Variants in HIF3A observed in about 807,000 individuals in gnomAD.
HIF3A encodes hypoxia inducible factor 3 subunit alpha.
HIF3A carries 41 observed loss-of-function variants against 67.2 expected under a neutral mutation model. The ratio of observed to expected loss-of-function variants is 0.61; its 90% CI spans 0.48 to 0.79. The LOEUF (loss-of-function observed/expected upper bound fraction) is 0.79, where lower values mean the gene tolerates loss of function less well. HIF3A is among the 30% of genes least tolerant of loss of function. HIF3A has a pLI of 0.00. For synonymous variants in HIF3A, 356 were observed against 374.8 expected (o/e 0.95, Z 0.58); for missense variants, 855 against 898.0 (o/e 0.95, Z 0.61).
Position 46,308,254 on chromosome 19 carries a change from A to C in HIF3A, c.397A>C (p.Ile133Leu), listed in dbSNP as rs756510103. 3.2e-5 allele frequency: 51 copies of C among 1,613,446 alleles called. No homozygotes were observed. The highest frequency in any genetic ancestry group is 4.2e-5 in the Non-Finnish European group (49 of 1,179,650). ...ELIGHSIFDF[I>L]HPCDQEELQD... ...CATTGGACACAGCATCTTTGATTTCATCCACCCCTGTGACCAAGAGGAGCT... is the reference window on the plus strand; with the variant it reads ...CATTGGACACAGCATCTTTGATTTCCTCCACCCCTGTGACCAAGAGGAGCT... The change falls in exon 4 of 15, where the codon ATC becomes CTC. Residue 133 changes from isoleucine (I) to leucine (L), a missense_variant. By Grantham distance (5) the Ile-to-Leu change is conservative. Around this residue, in one of 3 missense-constraint regions of HIF3A, gnomAD observed 638 missense variants for 660.5 expected, o/e 0.97. Transcript: ENST00000377670.
Position 46,297,180 on chromosome 19 carries a change from G to A in HIF3A, c.26+78G>A, listed in dbSNP as rs980600810. 2.8e-6 allele frequency: 2 copies of A among 725,658 alleles called. No individual in the cohort carries two copies. The highest frequency in any genetic ancestry group is 4.0e-6 in the Non-Finnish European group (2 of 504,982). The allele number at this position is 725,658 out of a possible 1,614,324, so 45.0% of individuals were successfully genotyped here. A position where few individuals can be genotyped will look rare whatever the true frequency, so the allele number is the denominator to read the frequency against. ...AGACCCCTGAGCTGGATTGTTGGGG[G>A]GGGTGGGGTTCGCGGGTGCGAGCCA... On this transcript the variant is annotated intron_variant, in intron 1 of 14. Transcript: ENST00000377670. This position sits in a 1 kb window ranked among gnomAD's most constrained non-coding sequence, Gnocchi z 4.5.
chr19:46,318,875 C>T (rs1015204005), intron 8 of HIF3A, among the ~76,000 whole-genome samples: 3 of 152,058 alleles, frequency 2.0e-5, no homozygotes, highest in African/African-American at 7.2e-5. Flanking sequence ...CCTGCTTTGG[C>T]CTCCCAAAGT....
At chr19:46,329,576 C>A (rs1971038118) in intron 12 of HIF3A, 98 bp downstream of exon 12, 1 of 1,353,018 alleles carries the variant, frequency 7.4e-7, no homozygotes, top group Non-Finnish European at 9.7e-7. Flanking sequence ...TTTCTCTAAC[C>A]CTGATCTCTG....
Position 46,304,044 on chromosome 19 carries a change from G to T in HIF3A, c.173G>T (p.Arg58Leu). ...SAHLDKASIM[R>L]LTISYLRMHR... ...CACCTGGACAAGGCCTCTATCATGC[G>T]CCTCACCATCAGCTACCTGCGCATG... The change falls in exon 2 of 15, where the codon CGC becomes CTC. Residue 58 changes from arginine to leucine, a missense_variant. Coordinates refer to ENST00000377670, the MANE Select transcript of HIF3A (RefSeq NM_152795.4). The T allele has an allele frequency of 6.3e-7, 1 of 1,587,026 alleles. No homozygotes were observed.
Position 46,332,082 on chromosome 19 carries a change from C to G in HIF3A, c.1830+809C>G, listed in dbSNP as rs1971274168. On this transcript the variant is annotated intron_variant, in intron 13 of 14. Coordinates refer to ENST00000377670, the MANE Select transcript of HIF3A (RefSeq NM_152795.4). ...AAGTCCCAGGTCTGCCACCCAGTAA[C>G]TGCCACCTGACCTTGGGCAGGTTAC... is the stretch of plus-strand genomic sequence containing the variant. 2.0e-5 allele frequency among the ~76,000 whole-genome samples: 3 copies of G among 152,234 alleles called. No individual in the cohort carries two copies. In the South Asian group the frequency reaches 6.2e-4, roughly 32 times the overall value.
At chr19:46,311,742 T>A (rs1398295621) in intron 6 of HIF3A, among the ~76,000 whole-genome samples, 1 of 151,938 alleles carries the variant, frequency 6.6e-6, no homozygotes, top group Non-Finnish European at 1.5e-5. Context: ...ACACCTGTAG[T>A]CCCAGCTACT....
At chr19:46,303,623 C>T in intron 1 of HIF3A, 2 of 1,571,212 alleles carry the variant, frequency 1.3e-6, no homozygotes, top group South Asian at 1.2e-5. Flanking sequence ...GGGGACAGAG[C>T]GGCCCTAGGC....
At chr19:46,313,137 A>G in intron 8 of HIF3A, 11 of 533,224 alleles carry the variant, frequency 2.1e-5, no homozygotes, top group Non-Finnish European at 2.6e-5. Flanking sequence ...TGTAATCCCA[A>G]CTACTCGGGA....
chr19:46,304,742 G>GC (rs1334836615), intron 2 of HIF3A, among the ~76,000 whole-genome samples: 8 of 152,168 alleles, frequency 5.3e-5, no homozygotes, highest in African/African-American at 1.4e-4. Context: ...TGACTTCCCT[G>GC]CCCCATAGAA....
In HIF3A at chr19:46,305,161, C is replaced by T. The variant is rs754833537; in HGVS notation, c.218-84C>T. 8.2e-6 allele frequency: 13 copies of T among 1,590,612 alleles called. No homozygotes were observed. The South Asian group carries it at 8.8e-5, about 11-fold the overall frequency. On this transcript the variant is annotated intron_variant, in intron 2 of 14. Coordinates refer to ENST00000377670, the MANE Select transcript of HIF3A (RefSeq NM_152795.4). Reference sequence around the variant, plus strand: ...GTAAGTTTCTCTGAATGAGGAAAGGCAGAGGGAGGCTAGCCCAGGGTCAGT... The same window carrying T: ...GTAAGTTTCTCTGAATGAGGAAAGGTAGAGGGAGGCTAGCCCAGGGTCAGT...
Position 46,304,004 on chromosome 19 carries a change from C to T in HIF3A, c.133C>T (p.Arg45Cys), listed in dbSNP as rs569086569. 6.0e-5 allele frequency: 95 copies of T among 1,595,620 alleles called. No homozygotes were observed. In the South Asian group the frequency reaches 9.7e-4, roughly 16 times the overall value. Residue 45 changes from arginine to cysteine, a missense_variant, in exon 2 of 15, where the codon CGC becomes TGC. By Grantham distance (180) the Arg-to-Cys change is radical. Coordinates refer to ENST00000377670, the MANE Select transcript of HIF3A (RefSeq NM_152795.4). ...GCTGGCTCACACGCTGCCCTTCGCC[C>T]GCGGCGTCAGCGCCCACCTGGACAA... Reference protein sequence around the residue: ...YQLAHTLPFARGVSAHLDKAS... With the variant: ...YQLAHTLPFACGVSAHLDKAS...
chr19:46,298,203 T>TA, intron 1 of HIF3A: 1 of 314,388 alleles, frequency 3.2e-6, no homozygotes, highest in Non-Finnish European at 6.3e-6. Flanking sequence ...CCCATGTTTC[T>TA]AACCGCCCCC....
intron 14 of HIF3A, chr19:46,338,402 C>G (rs1306466051): frequency 2.5e-6 from 1 of 407,830 alleles, no homozygotes; most frequent in African/African-American, 2.1e-5. Context: ...GAGGTTTCAC[C>G]ATGTTGCCCA....
At position 46,309,246 on chromosome 19, in the gene HIF3A, G is replaced by A. The variant is rs1460990232; in HGVS notation, c.657G>A (p.Leu219=). ...SPDSEPPLQC[L]VLICEAIPHP... ...ACTCAGAGCCCCCGCTGCAGTGCCT[G>A]GTGCTCATCTGCGAAGCCATCCCCC... is the stretch of plus-strand genomic sequence containing the variant. The change falls in exon 6 of 15, where the codon CTG becomes CTA. Residue 219 remains leucine (L), a synonymous_variant. Coordinates refer to ENST00000377670, the MANE Select transcript of HIF3A (RefSeq NM_152795.4). 2 of 1,613,906 alleles carry A rather than the reference G, an allele frequency of 1.2e-6. No homozygotes were observed. Among genetic ancestry groups the A allele is most frequent in the Admixed American group, 3.3e-5 (2 of 59,982 alleles).
chr19:46,303,800 AC>A lies in HIF3A; in HGVS notation c.27-97del, dbSNP rs1292935724. On this transcript the variant is annotated intron_variant, in intron 1 of 14. Coordinates refer to ENST00000377670, the MANE Select transcript of HIF3A (RefSeq NM_152795.4). Reference sequence around the variant, plus strand: ...CTGCGCAGCCGCGGCCCAGCACTCCACGAGCCCCGGCCCCACGTGGCAGCTC... The same window carrying A: ...CTGCGCAGCCGCGGCCCAGCACTCCAGAGCCCCGGCCCCACGTGGCAGCTC... 9 of 1,508,144 alleles carry A rather than the reference AC, an allele frequency of 6.0e-6. No individual in the cohort carries two copies. The East Asian group carries it at 2.2e-4, about 37-fold the overall frequency. The allele number at this position is 1,508,144 out of a possible 1,614,324, so 93.4% of individuals were successfully genotyped here.
chr19:46,339,545 T>A lies in HIF3A; in HGVS notation c.1933T>A (p.Ser645Thr), dbSNP rs1384636952. The A allele has an allele frequency of 6.2e-7, 1 of 1,603,250 alleles. No individual in the cohort carries two copies. Among genetic ancestry groups the A allele is most frequent in the Admixed American group, 1.7e-5 (1 of 59,266 alleles). ...EPLGLGPSLLSPYSDEDTTQP... is the reference protein window; with the variant it reads ...EPLGLGPSLLTPYSDEDTTQP... ...TGCAGGCCTGGGCCCCTCACTGCTC[T>A]CTCCGTACTCAGACGAGGACACTAC... The change falls in exon 15 of 15, where the codon TCT becomes ACT. Residue 645 changes from serine to threonine, a missense_variant. By Grantham distance (58) the Ser-to-Thr change is moderately conservative. Around this residue, in one of 3 missense-constraint regions of HIF3A, gnomAD observed 199 missense variants for 193.8 expected, o/e 1.03. Transcript: ENST00000377670.
At chr19:46,327,662 G>A (rs765899180) in intron 11 of HIF3A, among the ~76,000 whole-genome samples, 10 of 152,130 alleles carry the variant, frequency 6.6e-5, no homozygotes, top group Non-Finnish European at 1.0e-4. Flanking sequence ...AAGTTTGAGG[G>A]TCCCCAGGGT....
In HIF3A at chr19:46,329,352, G is replaced by T. The variant is rs1396153590; in HGVS notation, c.1586G>T (p.Gly529Val). 6.2e-7 allele frequency: 1 copy of T among 1,613,012 alleles called. No individual in the cohort carries two copies. Among genetic ancestry groups the T allele is most frequent in the African/African-American group, 1.3e-5 (1 of 74,920 alleles). Residue 529 changes from glycine to valine, a missense_variant, in exon 12 of 15, where the codon GGC (glycine) becomes GTC (valine). Transcript: ENST00000377670. Reference sequence around the variant, plus strand: ...CGGCCCCGTGCTCGGAGCTTCCATGGCCTGTCACCTCCAGCCCTTGAGCCC... The same window carrying T: ...CGGCCCCGTGCTCGGAGCTTCCATGTCCTGTCACCTCCAGCCCTTGAGCCC... ...VPRPRARSFHGLSPPALEPSL... is the reference protein window; with the variant it reads ...VPRPRARSFHVLSPPALEPSL...
At chr19:46,325,724 G>A (rs1970736890) in intron 11 of HIF3A, 85 bp downstream of exon 11, 2 of 878,852 alleles carry the variant, frequency 2.3e-6, no homozygotes, top group Non-Finnish European at 3.7e-6. Flanking sequence ...GTAGTGGGAT[G>A]GTTAAAGGAA....
Sources: gnomAD v4.1 joint callset for allele counts (sites outside exome capture counted in the v4.1 genomes callset) on GRCh38, gnomAD v4.1.1 for gene constraint, gnomAD v4.1.1 regional missense constraint, Gnocchi (gnomAD v3.1) non-coding constraint, MANE v1.5 for transcripts, NCBI Gene and HGNC (gene_info 2026-07-23, HGNC 2026-07-21) for gene names.